Variants in PHC2 observed in about 807,000 individuals in gnomAD.
The protein encoded by PHC2 is polyhomeotic homolog 2, also known as polyhomeotic-like protein 2.
In PHC2, 29 loss-of-function variants were observed where a neutral mutation model predicts 87.4. The ratio of observed to expected loss-of-function variants is 0.33; its 90% CI spans 0.25 to 0.45. PHC2 has a LOEUF of 0.45. Among genes scored for constraint, PHC2 ranks in the 20% least tolerant of loss-of-function variants. PHC2 has a pLI of 1.00. For synonymous variants in PHC2, 438 were observed against 461.7 expected, an observed-to-expected ratio of 0.95 and a Z score of 0.66; for missense variants, 857 against 1,136.7, an observed-to-expected ratio of 0.75 and a Z score of 3.54.
chr1:33,361,250 CAG>C (rs1301779987), intron 7 of PHC2, among the ~76,000 whole-genome samples: 1 of 152,150 alleles, frequency 6.6e-6, no homozygotes, highest in African/African-American at 2.4e-5. Flanking sequence ...GTCAGATAGT[CAG>C]AAGTCATTAA....
chr1:33,425,815 T>C (rs1204462062), intron 1 of PHC2, among the ~76,000 whole-genome samples: 1 of 152,218 alleles, frequency 6.6e-6, no homozygotes, highest in Non-Finnish European at 1.5e-5. Flanking sequence ...TACTGCAGTT[T>C]ATATTGGACA....
chr1:33,384,151 G>A (rs1648627600), intron 1 of PHC2, among the ~76,000 whole-genome samples: 1 of 152,150 alleles, frequency 6.6e-6, no homozygotes, highest in African/African-American at 2.4e-5. Flanking sequence ...ATGCTCCAAG[G>A]CAAGGCTTCT....
chr1:33,407,178 A>G (rs1649799518), intron 1 of PHC2, among the ~76,000 whole-genome samples: 1 of 152,206 alleles, frequency 6.6e-6, no homozygotes. Context: ...TTTCAAGCTC[A>G]TTAAAAATCT....
At chr1:33,402,737 C>T (rs550572685) in intron 1 of PHC2, among the ~76,000 whole-genome samples, 5 of 152,160 alleles carry the variant, frequency 3.3e-5, no homozygotes, top group African/African-American at 1.2e-4. Context: ...AGTTCAAAAC[C>T]AGTTAAAACT....
intron 9 of PHC2, chr1:33,345,608 A>G (rs1646831423): frequency 1.0e-6 from 1 of 983,154 alleles, no homozygotes; most frequent in Non-Finnish European, 1.2e-6. Context: ...GTTCCTTAGC[A>G]TACTTTTTCT....
Position 33,334,057 on chromosome 1 carries a change from T to G in PHC2, c.1761+33A>C. ...TTCTAAGACACATCCAAAATATACT[T>G]AAAAAAAAAAGGGGAAAAGAAGTAG... On this transcript the variant is annotated intron_variant, in intron 10 of 14. Transcript: ENST00000683057. This position sits in a 1 kb window ranked among gnomAD's most constrained non-coding sequence, Gnocchi z 5.5. 1 of 1,309,190 alleles carries G rather than the reference T, an allele frequency of 7.6e-7. No homozygotes were observed. Among genetic ancestry groups the G allele is most frequent in the South Asian group, 1.4e-5 (1 of 71,438 alleles). The allele number at this position is 1,309,190 out of a possible 1,614,324, so 81.1% of individuals were successfully genotyped here. A position where few individuals can be genotyped will look rare whatever the true frequency, so the allele number is the denominator to read the frequency against.
chr1:33,371,152 G>A (rs1647807781), intron 3 of PHC2, 58 bp from the exon 4 acceptor site: 1 of 1,408,992 alleles, frequency 7.1e-7, no homozygotes, highest in Non-Finnish European at 1.0e-6. Context: ...TCACTCCTGG[G>A]CTCTCATCAT....
At chr1:33,406,455 AC>A (rs1649767358) in intron 1 of PHC2, among the ~76,000 whole-genome samples, 1 of 152,156 alleles carries the variant, frequency 6.6e-6, no homozygotes. Context: ...ACTGTAGTTT[AC>A]AATGGCACTT....
chr1:33,427,500 T>C (rs1355406273), intron 1 of PHC2, among the ~76,000 whole-genome samples: 1 of 152,146 alleles, frequency 6.6e-6, no homozygotes, highest in Non-Finnish European at 1.5e-5. Context: ...CAAAAGGTGA[T>C]CCGCATGCTG....
chr1:33,379,471 C>CA (rs2148343674), intron 1 of PHC2, among the ~76,000 whole-genome samples: 1 of 38,932 alleles, frequency 2.6e-5, no homozygotes, highest in African/African-American at 1.1e-4. Context: ...ACCATCCCCC[C>CA]ACCCACTGTC....
intron 9 of PHC2, chr1:33,347,910 G>A (rs147585687): frequency 6.3e-6 from 1 of 158,576 alleles, no homozygotes; most frequent in Admixed American, 6.5e-5. Context: ...CTTAGGTACA[G>A]AGAAATCACC....
rs368176404 is a variant in PHC2, at chr1:33,396,855, G to A, written c.-54-21262C>T. Among the ~76,000 whole-genome samples, 24 of 152,280 alleles carry A rather than the reference G, an allele frequency of 1.6e-4. No individual in the cohort carries two copies. The East Asian group carries it at 1.7e-3, about 11-fold the overall frequency. ...TTTGGAGGAGACACTCTGAGCTGACGGACAGCAGCGTCCTCCTCCCACACA... is the reference window on the plus strand; with the variant it reads ...TTTGGAGGAGACACTCTGAGCTGACAGACAGCAGCGTCCTCCTCCCACACA... On this transcript the variant is annotated intron_variant, in intron 1 of 14. Coordinates refer to ENST00000683057, the MANE Select transcript of PHC2 (RefSeq NM_001385109.1).
chr1:33,420,663 G>C (rs536517809), intron 1 of PHC2, among the ~76,000 whole-genome samples: 5 of 151,610 alleles, frequency 3.3e-5, no homozygotes, highest in Admixed American at 6.6e-5. Context: ...AGGCTGGAGT[G>C]TGGTGGCACG....
intron 1 of PHC2, among the ~76,000 whole-genome samples, chr1:33,420,062 T>C (rs1650373640): frequency 6.6e-6 from 1 of 152,152 alleles, no homozygotes; most frequent in African/African-American, 2.4e-5. Flanking sequence ...GCTAATATAT[T>C]TGGGTGGTCA....
intron 1 of PHC2, among the ~76,000 whole-genome samples, chr1:33,408,436 T>C (rs1321615228): frequency 8.5e-6 from 1 of 118,106 alleles, no homozygotes; most frequent in East Asian, 2.6e-4. Flanking sequence ...ACCCTTTCTG[T>C]TTTTAGTAGT....
At chr1:33,359,534 A>G (rs908174499) in intron 7 of PHC2, among the ~76,000 whole-genome samples, 2 of 152,222 alleles carry the variant, frequency 1.3e-5, no homozygotes, top group African/African-American at 4.8e-5. Context: ...CACTCAACAA[A>G]CAATTTATTA....
chr1:33,395,874 C>A (rs1649272706), intron 1 of PHC2, among the ~76,000 whole-genome samples: 1 of 152,144 alleles, frequency 6.6e-6, no homozygotes, highest in Middle Eastern at 3.2e-3. Context: ...CCCTCTCCTC[C>A]AAAATATCTG....
Position 33,349,283 on chromosome 1 carries a change from C to A in PHC2, c.1558+5118G>T. ...AACGCACCGTCCGTCCCAGGGAAGT[C>A]GCAGCGGCGGGGAGGCCGGTCCTAG... On this transcript the variant is annotated intron_variant, in intron 9 of 14. Transcript: ENST00000683057. The surrounding 1 kb of genome is among the most constrained non-coding windows in gnomAD (Gnocchi z 4.2). The A allele has an allele frequency of 1.0e-6, 1 of 985,344 alleles. No homozygotes were observed. The highest frequency in any genetic ancestry group is 1.2e-6 in the Non-Finnish European group (1 of 829,926). 61.0% of individuals were successfully genotyped at this position (985,344 alleles called of 1,614,324 possible). A position where few individuals can be genotyped will look rare whatever the true frequency, so the allele number is the denominator to read the frequency against.
At chr1:33,345,704 T>C (rs1270354832) in intron 9 of PHC2, 16 of 984,854 alleles carry the variant, frequency 1.6e-5, no homozygotes, top group Non-Finnish European at 1.9e-5. Flanking sequence ...ACTGGACTTT[T>C]GTTACTGATG....
Sources: allele counts gnomAD v4.1 joint callset (sites outside exome capture counted in the v4.1 genomes callset), GRCh38; gene constraint gnomAD v4.1.1; non-coding constraint Gnocchi (gnomAD v3.1); transcripts MANE v1.5; gene names NCBI Gene and HGNC (gene_info 2026-07-23, HGNC 2026-07-21).